F8: variants seen among roughly 807,000 people sequenced by gnomAD.
The protein encoded by F8 is coagulation factor VIII.
In F8, 12 loss-of-function variants were observed where a neutral mutation model predicts 140.6. The observed-to-expected ratio is 0.09, with a 90% CI of 0.05 to 0.14. F8 has a LOEUF of 0.14. F8 is among the 10% of genes least tolerant of loss of function. The pLI, the probability that F8 is intolerant of heterozygous loss-of-function variation, is 1.00. For synonymous variants in F8, 585 were observed against 614.6 expected (o/e 0.95, Z 0.71); for missense variants, 1,354 against 1,720.7 (o/e 0.79, Z 3.77).
At position 154,984,749 on chromosome X, in the gene F8, G is replaced by C. The variant is rs2073549531; in HGVS notation, c.725C>G (p.Ala242Gly). 2.5e-6 allele frequency: 3 copies of C among 1,209,762 alleles called. No individual in the cohort carries two copies. The African/African-American group carries it at 5.2e-5, about 21-fold the overall frequency. ...CATTTTAGGCCAGGCCCGAGCAGAT[G>C]CAGCATCCCTATCCTGCATCAAGGA... is the stretch of plus-strand genomic sequence containing the variant. ...KNSLMQDRDA[A>G]SARAWPKMHT... Residue 242 changes from alanine (A) to glycine (G), a missense_variant, in exon 6 of 26, where the codon GCA becomes GGA. Physicochemically the swap from Ala to Gly is moderately conservative, Grantham distance 60. Coordinates refer to ENST00000360256, the MANE Select transcript of F8 (RefSeq NM_000132.4).
intron 20 of F8, among the ~76,000 whole-genome samples, chrX:154,901,012 A>G (rs2073007011): frequency 1.8e-5 from 2 of 112,919 alleles, no homozygotes; most frequent in African/African-American, 6.4e-5. Flanking sequence ...GCCTGTGGGC[A>G]GTAGTGCTCT....
rs782108795 is a variant in F8 at position 154,840,967 on chromosome X, T to G, written c.6901-3215A>C. Reference sequence around the variant, plus strand: ...CATTAATACCATCTGCTTCATATGCTATTTTCTGTTCATTTAGAAATTCCT... The same window carrying G: ...CATTAATACCATCTGCTTCATATGCGATTTTCTGTTCATTTAGAAATTCCT... On this transcript the variant is annotated intron_variant, in intron 25 of 25. Coordinates refer to ENST00000360256, the MANE Select transcript of F8 (RefSeq NM_000132.4). Among the ~76,000 whole-genome samples the G allele has an allele frequency of 1.6e-4, 18 of 112,094 alleles. No homozygotes were observed. The South Asian group carries it at 6.5e-3, about 41-fold the overall frequency.
At chrX:154,910,322 C>CA (rs1335894000) in intron 14 of F8, among the ~76,000 whole-genome samples, 1 of 107,373 alleles carries the variant, frequency 9.3e-6, no homozygotes, top group Non-Finnish European at 1.9e-5. Flanking sequence ...ATCACAAGGA[C>CA]AAAAAACCAA....
intron 12 of F8, among the ~76,000 whole-genome samples, chrX:154,951,421 C>A (rs1325176948): frequency 5.4e-5 from 6 of 111,623 alleles, no homozygotes; most frequent in Admixed American, 1.9e-4. Context: ...TTATACTTTT[C>A]TTCCTCTGTA....
chrX:154,989,037 C>T (rs1557284465), intron 4 of F8, among the ~76,000 whole-genome samples: 1 of 111,684 alleles, frequency 9.0e-6, no homozygotes, highest in Non-Finnish European at 1.9e-5. Context: ...TTTCAGCTGA[C>T]CATGCCTATT....
chrX:154,999,644 C>T, intron 1 of F8, 44 bp from the exon 2 acceptor site: 1 of 1,182,054 alleles, frequency 8.5e-7, no homozygotes, highest in Non-Finnish European at 1.1e-6. Context: ...GTGGACACTT[C>T]AAAAAGCAGC....
chrX:154,957,829 C>T (rs1277094170), intron 10 of F8, among the ~76,000 whole-genome samples: 3 of 102,123 alleles, frequency 2.9e-5, no homozygotes, highest in East Asian at 6.1e-4. Context: ...GAGGTTGAGC[C>T]GATATCATGC....
intron 13 of F8, among the ~76,000 whole-genome samples, chrX:154,944,362 C>T (rs1366210575): frequency 5.4e-5 from 6 of 110,524 alleles, no homozygotes; most frequent in Non-Finnish European, 1.1e-4. Flanking sequence ...GGGCGAAGGA[C>T]ATGAACAGAC....
intron 1 of F8, among the ~76,000 whole-genome samples, chrX:155,017,052 A>G (rs2073737759): frequency 8.9e-6 from 1 of 112,331 alleles, no homozygotes; most frequent in Non-Finnish European, 1.9e-5. Flanking sequence ...GGCCCAATGT[A>G]ATCACATGAG....
chrX:154,936,316 T>C (rs1345252343), intron 13 of F8, among the ~76,000 whole-genome samples: 2 of 111,194 alleles, frequency 1.8e-5, no homozygotes, highest in Admixed American at 9.6e-5. Flanking sequence ...ACCAACAGAC[T>C]TGCACTACAG....
chrX:154,872,805 A>G (rs1412576158), intron 22 of F8, among the ~76,000 whole-genome samples: 1 of 112,104 alleles, frequency 8.9e-6, no homozygotes, highest in Non-Finnish European at 1.9e-5. Flanking sequence ...AGACTCAAAA[A>G]AAAATTGTTA....
chrX:154,947,919 A>G lies in F8; in HGVS notation c.1904-12T>C, dbSNP rs377489892. The G allele has an allele frequency of 1.7e-6, 2 of 1,182,866 alleles. No homozygotes were observed. The highest frequency in any genetic ancestry group is 5.9e-5 in the East Asian group (2 of 33,719). On this transcript the variant is annotated splice_polypyrimidine_tract_variant and intron_variant, in intron 12 of 25. Transcript: ENST00000360256. ...ATAGCCATTGATGCCTGCAAAAACA[A>G]TGGGGAAAAGAGATTTAGACACATC...
intron 1 of F8, among the ~76,000 whole-genome samples, chrX:155,016,031 G>A (rs1211714736): frequency 9.0e-6 from 1 of 111,698 alleles, no homozygotes; most frequent in African/African-American, 3.3e-5. Context: ...GAGGCCAGGA[G>A]TTTGAGACCA....
chrX:154,979,182 C>T (rs1439244739), intron 6 of F8, among the ~76,000 whole-genome samples: 1 of 111,851 alleles, frequency 8.9e-6, no homozygotes, highest in African/African-American at 3.3e-5. Flanking sequence ...ATGAAACAAC[C>T]TGAATCTCAA....
At chrX:154,853,902 C>G (rs782780158) in intron 25 of F8, among the ~76,000 whole-genome samples, 3 of 111,622 alleles carry the variant, frequency 2.7e-5, no homozygotes, top group East Asian at 5.6e-4. Flanking sequence ...AGTGATATAG[C>G]CTTTTTTATT....
rs1215849250 is a variant in F8 at position 154,997,043 on chromosome X, T to C, written c.318A>G (p.Thr106=). The change falls in exon 3 of 26, where the codon ACA becomes ACG. Residue 106 remains threonine (T), a synonymous_variant. Transcript: ENST00000360256. ...CAGGATGGGAAGCCATGTTCTTAAG[T>C]GTAATGACCACTGTATCATAAACCT... ...QAEVYDTVVI[T]LKNMASHPVS... The C allele has an allele frequency of 7.4e-6, 9 of 1,210,328 alleles. No homozygotes were observed. Among genetic ancestry groups the C allele is most frequent in the Middle Eastern group, 2.3e-4 (1 of 4,353 alleles).
intron 25 of F8, among the ~76,000 whole-genome samples, chrX:154,846,542 C>CTTCT (rs1452195172): frequency 3.6e-5 from 4 of 111,408 alleles, no homozygotes; most frequent in African/African-American, 1.3e-4. Flanking sequence ...ATGTAATGGC[C>CTTCT]TTGTCTCTTT....
At chrX:154,894,452 C>T (rs1200669930) in intron 22 of F8, among the ~76,000 whole-genome samples, 2 of 111,072 alleles carry the variant, frequency 1.8e-5, no homozygotes, top group African/African-American at 3.3e-5. Flanking sequence ...AACTACAGGC[C>T]GGGTGCCTGT....
intron 13 of F8, among the ~76,000 whole-genome samples, chrX:154,937,028 A>T (rs922094446): frequency 2.7e-5 from 3 of 111,747 alleles, no homozygotes; most frequent in African/African-American, 3.2e-5. Flanking sequence ...ACTCAATGAT[A>T]ATAAAAATAT....
Sources: allele counts gnomAD v4.1 joint callset (sites outside exome capture counted in the v4.1 genomes callset), GRCh38; gene constraint gnomAD v4.1.1; transcripts MANE v1.5; gene names NCBI Gene and HGNC (gene_info 2026-07-23, HGNC 2026-07-21).